The following MYT1 variants were observed in gnomAD, a reference collection of about 807,000 sequenced individuals.
The protein encoded by MYT1 is myelin transcription factor I.
Under a neutral mutation model 123.0 loss-of-function variants are expected in MYT1, and 23 were observed. The ratio of observed to expected loss-of-function variants is 0.19; its 90% CI spans 0.13 to 0.26. MYT1 has a LOEUF of 0.26. Among genes scored for constraint, MYT1 ranks in the 10% least tolerant of loss-of-function variants. The pLI is 1.00. For synonymous variants in MYT1, 518 were observed against 575.3 expected, an observed-to-expected ratio of 0.90 and a Z score of 1.43; for missense variants, 1,125 against 1,472.5, an observed-to-expected ratio of 0.76 and a Z score of 3.86.
At chr20:64,211,936 G>A in intron 8 of MYT1, 112 bp from the exon 9 acceptor site, 2 of 853,314 alleles carry the variant, frequency 2.3e-6, no homozygotes, top group Non-Finnish European at 3.8e-6. Flanking sequence ...CTACCAAGCA[G>A]CAGCCTTTGG....
rs1337491653 is a variant in MYT1 at position 64,232,835 on chromosome 20, C to T, written c.2897+450C>T. Among the ~76,000 whole-genome samples, 1 of 151,974 alleles carries T rather than the reference C, an allele frequency of 6.6e-6. No homozygotes were observed. Among genetic ancestry groups the T allele is most frequent in the East Asian group, 1.9e-4 (1 of 5,164 alleles). The stretch of plus-strand genomic sequence containing the variant: ...TTATGCCCTGTCCGTCCCATTCATG[C>T]CTCTTCTTTGAACTCTGGGCAGAGA... On this transcript the variant is annotated intron_variant, in intron 19 of 22. Transcript: ENST00000328439. This position sits in a 1 kb window ranked among gnomAD's most constrained non-coding sequence, Gnocchi z 6.9.
chr20:64,195,617 A>G (rs1983096780), intron 2 of MYT1, among the ~76,000 whole-genome samples: 1 of 151,480 alleles, frequency 6.6e-6, no homozygotes, highest in Non-Finnish European at 1.5e-5. Flanking sequence ...GCTTGTCATG[A>G]ACTCCTGACC....
rs543269862 is a variant in MYT1 at position 64,215,194 on chromosome 20, C to T, written c.1631+1547C>T. On this transcript the variant is annotated intron_variant, in intron 10 of 22. Transcript: ENST00000328439. ...CTAAATCACCGATAAAATGTCAAAC[C>T]GCAGATTTGGCCCCCGTGTGAGGCC... Among the ~76,000 whole-genome samples, 68 of 152,284 alleles carry T rather than the reference C, an allele frequency of 4.5e-4. 2 individuals are homozygous for T. In the South Asian group the frequency reaches 0.013, roughly 28 times the overall value.
Position 64,208,081 on chromosome 20 carries a change from G to GGAGGAA in MYT1, c.903_908dup (p.Glu305_Glu306dup), listed in dbSNP as rs537698482. 3.0e-5 allele frequency: 48 copies of GGAGGAA among 1,605,766 alleles called. No individual in the cohort carries two copies. The East Asian group carries it at 5.8e-4, about 19-fold the overall frequency. On this transcript the variant is annotated inframe_insertion, in exon 7 of 23. Coordinates refer to ENST00000328439, the MANE Select transcript of MYT1 (RefSeq NM_004535.3). The surrounding 1 kb of genome is among the most constrained non-coding windows in gnomAD (Gnocchi z 5.4). ...AGGAGGAGGAGGAAGAGGAAGAGGA[G>GGAGGAA]GAGGAAGAGGAAGAGGAAGAGGAGG...
intron 4 of MYT1, among the ~76,000 whole-genome samples, chr20:64,201,712 G>T (rs1319129696): frequency 6.6e-6 from 1 of 152,216 alleles, no homozygotes; most frequent in African/African-American, 2.4e-5. Flanking sequence ...AGCACACGCT[G>T]GGCTCTGACC....
chr20:64,229,816 GC>G (rs1984270474), intron 18 of MYT1, among the ~76,000 whole-genome samples: 1 of 152,190 alleles, frequency 6.6e-6, no homozygotes, highest in African/African-American at 2.4e-5. Flanking sequence ...AAATCCCTTT[GC>G]CACAGCTTTA....
intron 1 of MYT1, among the ~76,000 whole-genome samples, chr20:64,179,979 T>TAC (rs1019100899): frequency 6.9e-6 from 1 of 145,004 alleles, no homozygotes; most frequent in African/African-American, 2.6e-5. Context: ...ACTCACATGC[T>TAC]ACACACAGTT....
chr20:64,225,650 C>T (rs970962312), intron 16 of MYT1, among the ~76,000 whole-genome samples: 1 of 152,180 alleles, frequency 6.6e-6, no homozygotes, highest in African/African-American at 2.4e-5. Flanking sequence ...GTGTTCCCTT[C>T]TGCCCAGATG....
At chr20:64,187,980 C>A in intron 1 of MYT1, among the ~76,000 whole-genome samples, 1 of 152,150 alleles carries the variant, frequency 6.6e-6, no homozygotes, top group African/African-American at 2.4e-5. Flanking sequence ...AGCAGTTGAT[C>A]CCCGGGATGC....
rs572059541 is a variant in MYT1, at chr20:64,217,958, C to T, written c.1846+677C>T. Among the ~76,000 whole-genome samples, 23 of 152,338 alleles carry T rather than the reference C, an allele frequency of 1.5e-4. No individual in the cohort carries two copies. The South Asian group carries it at 2.3e-3, about 15-fold the overall frequency. The stretch of plus-strand genomic sequence containing the variant: ...AGCCCATTAGCCCTGGAAGTGCATG[C>T]GAAATGGAAAAGCATTCAGTGTACA... On this transcript the variant is annotated intron_variant, in intron 11 of 22. Transcript: ENST00000328439.
intron 18 of MYT1, among the ~76,000 whole-genome samples, chr20:64,230,902 C>T (rs1984300141): frequency 6.6e-6 from 1 of 152,318 alleles, no homozygotes; most frequent in Non-Finnish European, 1.5e-5. Flanking sequence ...GGGTCTGAAA[C>T]GGCAGCTTCA....
rs1469156320 is a variant in MYT1 at position 64,206,889 on chromosome 20, GCACCTAC to G, written c.398-702_398-696del. On this transcript the variant is annotated intron_variant, in intron 6 of 22. Coordinates refer to ENST00000328439, the MANE Select transcript of MYT1 (RefSeq NM_004535.3). ...ACCCTACGGGGCCTGCATGTGGTGA[GCACCTAC>G]CATATCTTAGTTTCGTTTTGTTTTT... Among the ~76,000 whole-genome samples, 3 of 152,132 alleles carry G rather than the reference GCACCTAC, an allele frequency of 2.0e-5. No homozygotes were observed. In the East Asian group the frequency reaches 5.8e-4, roughly 29 times the overall value.
Position 64,202,015 on chromosome 20 carries a change from C to T in MYT1, c.86+2093C>T, listed in dbSNP as rs74214302. 1.3e-3 allele frequency among the ~76,000 whole-genome samples: 96 copies of T among 73,034 alleles called. No individual in the cohort carries two copies. Among genetic ancestry groups the T allele is most frequent in the African/African-American group, 2.1e-3 (33 of 15,980 alleles). The allele number at this position is 73,034 out of a possible 152,430, so 47.9% of individuals were successfully genotyped here. ...CGGGAACCCCCGCGTGTCGGGAACC[C>T]CTCGCGTGTCGGGAACCCCCGCGTG... On this transcript the variant is annotated intron_variant, in intron 4 of 22. Transcript: ENST00000328439. This position sits in a 1 kb window ranked among gnomAD's most constrained non-coding sequence, Gnocchi z 5.0.
At chr20:64,222,863 C>A (rs887227557) in intron 14 of MYT1, among the ~76,000 whole-genome samples, 1 of 152,236 alleles carries the variant, frequency 6.6e-6, no homozygotes, top group African/African-American at 2.4e-5. Context: ...AGCACATGTG[C>A]GTCAGAGGCA....
intron 1 of MYT1, among the ~76,000 whole-genome samples, chr20:64,184,564 G>A (rs1393041872): frequency 6.6e-6 from 1 of 152,108 alleles, no homozygotes; most frequent in Non-Finnish European, 1.5e-5. Context: ...GAAGTGTGTC[G>A]TCCAACTTTG....
chr20:64,180,402 G>A (rs392777), intron 1 of MYT1, among the ~76,000 whole-genome samples: 108,414 of 152,206 alleles, frequency 0.71, 39,012 homozygotes, highest in East Asian at 0.97. Flanking sequence ...TGAGAAAGCT[G>A]GTTTCCATTA....
chr20:64,197,501 G>A (rs1211226951), intron 2 of MYT1, among the ~76,000 whole-genome samples: 1 of 152,210 alleles, frequency 6.6e-6, no homozygotes, highest in Admixed American at 6.5e-5. Context: ...AGCCCTGGCA[G>A]CTCTGGTGTC....
At chr20:64,170,917 A>AC (rs1982254310) in intron 1 of MYT1, among the ~76,000 whole-genome samples, 3 of 135,674 alleles carry the variant, frequency 2.2e-5, no homozygotes, top group African/African-American at 8.4e-5. Flanking sequence ...AGAGAGAGAG[A>AC]GAGAGAGAGA....
intron 6 of MYT1, 143 bp from the exon 7 acceptor site, chr20:64,207,451 C>T: frequency 6.9e-7 from 1 of 1,439,894 alleles, no homozygotes; most frequent in Non-Finnish European, 9.3e-7. Flanking sequence ...ATCCCCACTT[C>T]TGGAGTTTCA....
Sources: allele counts gnomAD v4.1 joint callset (sites outside exome capture counted in the v4.1 genomes callset), GRCh38; gene constraint gnomAD v4.1.1; non-coding constraint Gnocchi (gnomAD v3.1); transcripts MANE v1.5; gene names NCBI Gene and HGNC (gene_info 2026-07-23, HGNC 2026-07-21).